The following DPP10 variants were observed in gnomAD, a reference collection of about 807,000 sequenced individuals.
DPP10 encodes the protein dipeptidyl peptidase like 10.
DPP10 carries 33 observed loss-of-function variants against 120.9 expected under a neutral mutation model. The ratio of observed to expected loss-of-function variants is 0.27; its 90% CI spans 0.21 to 0.37. DPP10 has a LOEUF of 0.37. DPP10 is among the 10% of genes least tolerant of loss of function. The pLI is 1.00. For missense variants in DPP10, 816 were observed against 942.8 expected (o/e 0.87, Z 1.76); for synonymous variants, 337 against 326.1 (o/e 1.03, Z -0.36).
At chr2:114,836,192 C>T (rs1687720051) in intron 1 of DPP10, among the ~76,000 whole-genome samples, 1 of 152,172 alleles carries the variant, frequency 6.6e-6, no homozygotes, top group Admixed American at 6.5e-5. Context: ...TCTTCCTTCT[C>T]TGCCTTTCAT....
intron 1 of DPP10, among the ~76,000 whole-genome samples, chr2:115,133,038 G>A (rs2050437868): frequency 6.7e-6 from 1 of 150,194 alleles, no homozygotes; most frequent in Admixed American, 6.7e-5. Flanking sequence ...TTGGAAAAGA[G>A]AATTATTCCA....
chr2:115,514,403 T>C (rs2077391885), intron 4 of DPP10, among the ~76,000 whole-genome samples: 1 of 151,740 alleles, frequency 6.6e-6, no homozygotes, highest in African/African-American at 2.4e-5. Context: ...GTTTTCCTTC[T>C]TTTTAAATAT....
At chr2:115,797,340 C>G (rs910786618) in intron 19 of DPP10, among the ~76,000 whole-genome samples, 14 of 151,978 alleles carry the variant, frequency 9.2e-5, no homozygotes, top group African/African-American at 3.4e-4. Flanking sequence ...GAGGTGAGTT[C>G]ATTTTGTTTC....
At chr2:114,980,241 T>C (rs1574623986) in intron 1 of DPP10, among the ~76,000 whole-genome samples, 1 of 152,126 alleles carries the variant, frequency 6.6e-6, no homozygotes, top group African/African-American at 2.4e-5. Context: ...AGGACAGTGA[T>C]GTGAATATAA....
At chr2:115,086,682 T>C (rs1216810418) in intron 1 of DPP10, among the ~76,000 whole-genome samples, 5 of 152,150 alleles carry the variant, frequency 3.3e-5, no homozygotes, top group Admixed American at 1.3e-4. Context: ...GGTCTCGATC[T>C]CCTGACCTCA....
At chr2:115,477,928 C>T (rs930982857) in intron 3 of DPP10, among the ~76,000 whole-genome samples, 2 of 152,080 alleles carry the variant, frequency 1.3e-5, no homozygotes, top group African/African-American at 2.4e-5. Context: ...AGGAAGCTGT[C>T]GATCATGGCA....
intron 1 of DPP10, among the ~76,000 whole-genome samples, chr2:114,809,958 C>A (rs1047934960): frequency 3.3e-5 from 5 of 152,120 alleles, no homozygotes; most frequent in African/African-American, 1.2e-4. Flanking sequence ...ACTCAAAACT[C>A]CAATTGTATA....
intron 19 of DPP10, among the ~76,000 whole-genome samples, chr2:115,798,674 T>C (rs1575808662): frequency 6.6e-6 from 1 of 152,078 alleles, no homozygotes; most frequent in South Asian, 2.1e-4. Flanking sequence ...CTAGGAGATA[T>C]AAAACTTGGG....
chr2:115,246,653 A>C, intron 1 of DPP10, among the ~76,000 whole-genome samples: 1 of 152,082 alleles, frequency 6.6e-6, no homozygotes, highest in East Asian at 1.9e-4. Context: ...ACGGAGGGAA[A>C]CTGGAATTGT....
At chr2:114,989,781 A>G (rs1273738771) in intron 1 of DPP10, among the ~76,000 whole-genome samples, 1 of 152,194 alleles carries the variant, frequency 6.6e-6, no homozygotes, top group Non-Finnish European at 1.5e-5. Context: ...AATAAGACAG[A>G]CGTCTATATG....
At chr2:114,752,233 T>A (rs1038124701) in intron 1 of DPP10, among the ~76,000 whole-genome samples, 1 of 152,184 alleles carries the variant, frequency 6.6e-6, no homozygotes, top group South Asian at 2.1e-4. Flanking sequence ...CATGTGCTGG[T>A]TCCCCCTACT....
intron 1 of DPP10, among the ~76,000 whole-genome samples, chr2:115,288,143 G>T (rs1171671246): frequency 1.3e-5 from 2 of 151,974 alleles, no homozygotes; most frequent in African/African-American, 4.8e-5. Flanking sequence ...CCAGCAGTAG[G>T]TAAGTGTTCC....
chr2:115,809,818 T>C (rs902610930), intron 19 of DPP10, among the ~76,000 whole-genome samples: 2 of 152,202 alleles, frequency 1.3e-5, no homozygotes, highest in Non-Finnish European at 2.9e-5. Context: ...ATAATATTCT[T>C]CCTTCCATTT....
intron 1 of DPP10, among the ~76,000 whole-genome samples, chr2:114,777,289 T>G (rs1391386205): frequency 6.6e-6 from 1 of 152,178 alleles, no homozygotes; most frequent in Non-Finnish European, 1.5e-5. Flanking sequence ...GTGCTGGAAA[T>G]GGCTTCCTTT....
At chr2:115,155,986 G>C (rs1414973067) in intron 1 of DPP10, among the ~76,000 whole-genome samples, 1 of 151,904 alleles carries the variant, frequency 6.6e-6, no homozygotes, top group Non-Finnish European at 1.5e-5. Context: ...TAAATATTTA[G>C]ATATGCAGGA....
intron 1 of DPP10, among the ~76,000 whole-genome samples, chr2:114,635,729 CTT>C (rs1187613906): frequency 3.3e-5 from 5 of 151,872 alleles, no homozygotes; most frequent in African/African-American, 1.2e-4. Context: ...ACTCCAAAGA[CTT>C]TTTATTGATG....
chr2:114,633,413 A>T (rs956407609), intron 1 of DPP10, among the ~76,000 whole-genome samples: 4 of 150,620 alleles, frequency 2.7e-5, no homozygotes, highest in East Asian at 2.0e-4. Context: ...CATCACATCC[A>T]GCAAATTTTT....
intron 5 of DPP10, among the ~76,000 whole-genome samples, chr2:115,672,772 A>C (rs2090005918): frequency 6.9e-6 from 1 of 144,218 alleles, no homozygotes. Context: ...ATTGAGACAA[A>C]GTCTCACTTT....
intron 1 of DPP10, among the ~76,000 whole-genome samples, chr2:114,608,483 T>G (rs1693011440): frequency 6.6e-6 from 1 of 152,184 alleles, no homozygotes; most frequent in African/African-American, 2.4e-5. Context: ...TCAAATTCTA[T>G]TTCTATCATA....
Sources: allele counts gnomAD v4.1 joint callset (sites outside exome capture counted in the v4.1 genomes callset), GRCh38; gene constraint gnomAD v4.1.1; transcripts MANE v1.5; gene names NCBI Gene and HGNC (gene_info 2026-07-23, HGNC 2026-07-21).